ANKRD17: variants seen among roughly 807,000 people sequenced by gnomAD.
ANKRD17 encodes ankyrin repeat domain-containing protein 17.
A neutral mutation model predicts 229.7 loss-of-function variants in ANKRD17; 19 were observed. The observed-to-expected ratio is 0.08, with a 90% CI of 0.06 to 0.12. The LOEUF (loss-of-function observed/expected upper bound fraction) is 0.12, where lower values mean the gene tolerates loss of function less well. ANKRD17 is among the 10% of genes least tolerant of loss of function. The probability of loss-of-function intolerance (pLI) is 1.00; values close to 1 mark genes in which losing one functional copy is unlikely to be tolerated. For synonymous variants in ANKRD17, 1,112 were observed against 1,146.1 expected, an observed-to-expected ratio of 0.97 and a Z score of 0.60; for missense variants, 2,176 against 3,176.8, an observed-to-expected ratio of 0.68 and a Z score of 7.57.
In ANKRD17 at chr4:73,120,871, T is replaced by C. The variant is rs779213355; in HGVS notation, c.3849+10A>G. The C allele has an allele frequency of 1.9e-5, 30 of 1,606,252 alleles. No homozygotes were observed. The highest frequency in any genetic ancestry group is 2.6e-5 in the Non-Finnish European group (30 of 1,175,594). On this transcript the variant is annotated intron_variant, in intron 20 of 33. Coordinates refer to ENST00000358602, the MANE Select transcript of ANKRD17 (RefSeq NM_032217.5). The stretch of plus-strand genomic sequence containing the variant: ...ATAAATTCATGTGTAAATCTCAGAC[T>C]TTTTCTTACCTTAGCTCTGTGTTCA...
chr4:73,212,001 C>T (rs1740337589), intron 1 of ANKRD17, among the ~76,000 whole-genome samples: 1 of 152,024 alleles, frequency 6.6e-6, no homozygotes, highest in Non-Finnish European at 1.5e-5. Flanking sequence ...AGCTTATTAT[C>T]CTTAAAATCC....
Position 73,141,819 on chromosome 4 carries a change from G to A in ANKRD17, c.2254C>T (p.Leu752=), listed in dbSNP as rs144927753. ...TCCTGAGGTGGAACAACCATGGGCA[G>A]TGCTTGAACTGGTACACGAGGAGCC... ...NRAPRVPVQA[L]PMVVPPQEPD... Residue 752 remains leucine, a synonymous_variant, in exon 14 of 34, where the codon CTG becomes TTG. Transcript: ENST00000358602. The A allele has an allele frequency of 1.2e-4, 192 of 1,613,814 alleles. No individual in the cohort carries two copies. The African/African-American group carries it at 2.3e-3, about 19-fold the overall frequency.
intron 1 of ANKRD17, among the ~76,000 whole-genome samples, chr4:73,248,582 T>C (rs1208856087): frequency 6.6e-6 from 1 of 152,008 alleles, no homozygotes; most frequent in Non-Finnish European, 1.5e-5. Flanking sequence ...AGTATACTAA[T>C]AGTGATAAAA....
At chr4:73,080,120 C>T (rs1721416473) in intron 30 of ANKRD17, among the ~76,000 whole-genome samples, 1 of 151,782 alleles carries the variant, frequency 6.6e-6, no homozygotes, top group African/African-American at 2.4e-5. Context: ...CCTCCCCCTC[C>T]CAAAAAAGCT....
chr4:73,091,262 A>C lies in ANKRD17; in HGVS notation c.6366T>G (p.Pro2122=), dbSNP rs1313075399. ...GGGGAGGAACCTGAGACTGCTGAAGAGGTGGTCTTGGTTCCTGAGAAACAG... is the reference window on the plus strand; with the variant it reads ...GGGGAGGAACCTGAGACTGCTGAAGCGGTGGTCTTGGTTCCTGAGAAACAG... ...PGSVSQEPRP[P]LQQSQVPPPE... Residue 2122 remains proline (P), a synonymous_variant, in exon 29 of 34, where the codon CCT becomes CCG. Coordinates refer to ENST00000358602, the MANE Select transcript of ANKRD17 (RefSeq NM_032217.5). 5.6e-6 allele frequency: 9 copies of C among 1,614,202 alleles called. No individual in the cohort carries two copies. The highest frequency in any genetic ancestry group is 3.3e-5 in the Admixed American group (2 of 60,022).
chr4:73,127,830 C>G (rs1727678629), intron 16 of ANKRD17, among the ~76,000 whole-genome samples: 1 of 152,066 alleles, frequency 6.6e-6, no homozygotes, highest in Non-Finnish European at 1.5e-5. Flanking sequence ...AGCATATTCT[C>G]CCAGAATGTA....
At chr4:73,243,480 T>C (rs1452483202) in intron 1 of ANKRD17, among the ~76,000 whole-genome samples, 1 of 152,156 alleles carries the variant, frequency 6.6e-6, no homozygotes, top group Non-Finnish European at 1.5e-5. Context: ...ACCTCCTACA[T>C]AGGGTGGAGA....
At chr4:73,217,855 T>C (rs1275352186) in intron 1 of ANKRD17, among the ~76,000 whole-genome samples, 2 of 152,152 alleles carry the variant, frequency 1.3e-5, no homozygotes, top group Admixed American at 1.3e-4. Flanking sequence ...GTGGGTCCCA[T>C]CCCCAAGTTA....
chr4:73,188,881 G>A (rs995068266), intron 1 of ANKRD17, among the ~76,000 whole-genome samples: 22 of 152,132 alleles, frequency 1.4e-4, no homozygotes, highest in Non-Finnish European at 3.1e-4. Context: ...AAGTCAGAAA[G>A]TTGAGCACAT....
At chr4:73,150,141 G>A (rs779740023) in intron 7 of ANKRD17, among the ~76,000 whole-genome samples, 7 of 151,832 alleles carry the variant, frequency 4.6e-5, no homozygotes, top group Non-Finnish European at 1.0e-4. Flanking sequence ...TTATTAGTTT[G>A]ATTACTTTGC....
rs34817384 is a variant in ANKRD17, at chr4:73,109,299, C to CAA, written c.4401+4491_4401+4492dup. Among the ~76,000 whole-genome samples the CAA allele has an allele frequency of 6.5e-3, 830 of 126,900 alleles. 4 individuals are homozygous for CAA. The highest frequency in any genetic ancestry group is 0.016 in the East Asian group (74 of 4,532). 83.3% of individuals were successfully genotyped at this position (126,900 alleles called of 152,430 possible). On this transcript the variant is annotated intron_variant, in intron 24 of 33. Coordinates refer to ENST00000358602, the MANE Select transcript of ANKRD17 (RefSeq NM_032217.5). ...TGGGTGACAGAGTGAGGCGCTGTCT[C>CAA]AAAAAAAAAAAAAAACTTTATCTAG...
chr4:73,249,802 G>A (rs1744824393), intron 1 of ANKRD17, among the ~76,000 whole-genome samples: 2 of 152,250 alleles, frequency 1.3e-5, no homozygotes, highest in African/African-American at 4.8e-5. Context: ...GTTGCAGTGA[G>A]ACGGCATGGC....
intron 1 of ANKRD17, among the ~76,000 whole-genome samples, chr4:73,237,388 G>A (rs939581182): frequency 6.6e-6 from 1 of 152,192 alleles, no homozygotes; most frequent in Admixed American, 6.5e-5. Context: ...CATATGAAAA[G>A]ACATCTCACA....
chr4:73,103,329 CAG>C (rs1465626762), intron 24 of ANKRD17, among the ~76,000 whole-genome samples: 2 of 151,912 alleles, frequency 1.3e-5, no homozygotes, highest in Non-Finnish European at 2.9e-5. Flanking sequence ...AAAAGGGTAA[CAG>C]AGACTACCTC....
At chr4:73,125,132 TA>T (rs1727264760) in intron 17 of ANKRD17, 68 bp downstream of exon 17, 2 of 1,593,254 alleles carry the variant, frequency 1.3e-6, no homozygotes, top group African/African-American at 1.4e-5. Context: ...AAAATAGGAC[TA>T]AAAAATAATG....
Position 73,075,371 on chromosome 4 carries a change from G to A in ANKRD17, c.*860C>T, listed in dbSNP as rs1720933363. 6.6e-6 allele frequency: 1 copy of A among 152,082 alleles called. No individual in the cohort carries two copies. Among genetic ancestry groups the A allele is most frequent in the South Asian group, 2.1e-4 (1 of 4,826 alleles). 9.4% of individuals were successfully genotyped at this position (152,082 alleles called of 1,614,324 possible). A position where few individuals can be genotyped will look rare whatever the true frequency, so the allele number is the denominator to read the frequency against. ...AGAAACCACTGGTGATGATGAAGAT[G>A]GTCCATCTCTGTAGCAGCCATTACA... On this transcript the variant is annotated 3_prime_UTR_variant, in exon 34 of 34. Transcript: ENST00000358602.
intron 1 of ANKRD17, among the ~76,000 whole-genome samples, chr4:73,193,981 A>T (rs955975313): frequency 2.6e-5 from 4 of 152,134 alleles, no homozygotes; most frequent in African/African-American, 4.8e-5. Context: ...CTCAATATTG[A>T]TTTGTGAGAA....
intron 24 of ANKRD17, among the ~76,000 whole-genome samples, chr4:73,106,600 G>T (rs1471414248): frequency 1.3e-5 from 2 of 152,140 alleles, no homozygotes; most frequent in African/African-American, 2.4e-5. Context: ...AAATACGCGG[G>T]CTGGGCACGG....
At chr4:73,199,550 T>C (rs1560709129) in intron 1 of ANKRD17, among the ~76,000 whole-genome samples, 1 of 152,186 alleles carries the variant, frequency 6.6e-6, no homozygotes, top group Non-Finnish European at 1.5e-5. Flanking sequence ...GATCTTCAAA[T>C]GGCTAGCTGC....
Sources: gnomAD v4.1 joint callset for allele counts (sites outside exome capture counted in the v4.1 genomes callset) on GRCh38, gnomAD v4.1.1 for gene constraint, MANE v1.5 for transcripts, NCBI Gene and HGNC (gene_info 2026-07-23, HGNC 2026-07-21) for gene names.